NCOR1: variants seen among roughly 807,000 people sequenced by gnomAD.
NCOR1 encodes protein phosphatase 1, regulatory subunit 109.
NCOR1 carries 63 observed loss-of-function variants against 288.1 expected under a neutral mutation model. The observed-to-expected ratio is 0.22, with a 90% CI of 0.18 to 0.27. NCOR1 has a LOEUF of 0.27. Among genes scored for constraint, NCOR1 ranks in the 10% least tolerant of loss-of-function variants. NCOR1 has a pLI of 1.00. For synonymous variants in NCOR1, 1,007 were observed against 1,065.9 expected (o/e 0.94, Z 1.08); for missense variants, 2,397 against 3,019.2 (o/e 0.79, Z 4.83).
intron 42 of NCOR1, among the ~76,000 whole-genome samples, chr17:16,041,832 G>C (rs927433740): frequency 4.6e-5 from 7 of 151,928 alleles, no homozygotes; most frequent in Non-Finnish European, 1.0e-4. Context: ...TGCCTCCCAG[G>C]TTCACGCCAC....
chr17:16,109,063 T>C (rs534631744), intron 18 of NCOR1, 151 bp from the exon 19 acceptor site: 2 of 608,020 alleles, frequency 3.3e-6, no homozygotes, highest in Admixed American at 4.1e-5. Context: ...TGCAGATAAA[T>C]ACCTCTCCAT....
At chr17:16,106,883 ATTTTTTTTTTTTTTT>A (rs144246158) in intron 19 of NCOR1, among the ~76,000 whole-genome samples, 1 of 31,406 alleles carries the variant, frequency 3.2e-5, no homozygotes, top group Non-Finnish European at 5.2e-5. Flanking sequence ...ATATATATAT[ATTTTTTTTTTTTTTT>A]TTTTTTTTTT....
At chr17:16,040,183 T>C (rs968302940) in intron 43 of NCOR1, 2 of 588,408 alleles carry the variant, frequency 3.4e-6, no homozygotes, top group Non-Finnish European at 3.2e-6. Flanking sequence ...ACTCAACAAT[T>C]TTCTCAGTTC....
chr17:16,069,746 CA>C (rs915004566), intron 31 of NCOR1, among the ~76,000 whole-genome samples: 65 of 152,180 alleles, frequency 4.3e-4, no homozygotes, highest in African/African-American at 1.5e-3. Flanking sequence ...AACTAAGCTA[CA>C]AAAAAACTAA....
At chr17:16,202,049 C>T (rs1448987970) in intron 1 of NCOR1, among the ~76,000 whole-genome samples, 1 of 151,940 alleles carries the variant, frequency 6.6e-6, no homozygotes, top group Non-Finnish European at 1.5e-5. Context: ...ACATGTGAAA[C>T]CCCATCTCTA....
chr17:16,060,678 A>C (rs1177389659), intron 37 of NCOR1, among the ~76,000 whole-genome samples: 1 of 151,978 alleles, frequency 6.6e-6, no homozygotes, highest in Non-Finnish European at 1.5e-5. Flanking sequence ...TTTTTTTTTC[A>C]TGATGTCTAA....
rs1465782872 is a variant in NCOR1 at position 16,181,233 on chromosome 17, G to A, written c.242+5321C>T. Among the ~76,000 whole-genome samples, 947 of 151,460 alleles carry A rather than the reference G, an allele frequency of 6.3e-3. 9 individuals are homozygous for A. Among genetic ancestry groups the A allele is most frequent in the African/African-American group, 0.019 (784 of 41,342 alleles). ...TGTATGTGTGTGTGTGTGTGTGTGT[G>A]TGTGTGTGTGTGTGTGTGTGTATAA... On this transcript the variant is annotated intron_variant, in intron 3 of 45. Transcript: ENST00000268712.
chr17:16,149,431 TAAC>T lies in NCOR1; in HGVS notation c.909+17_909+19del, dbSNP rs772440245. ...ATGGGAAAGCTGTATAAATTTCAGTTAACAAGGATAGGACCTCACCCTTTGTTT... is the reference window on the plus strand; with the variant it reads ...ATGGGAAAGCTGTATAAATTTCAGTTAAGGATAGGACCTCACCCTTTGTTT... On this transcript the variant is annotated intron_variant, in intron 9 of 45. Transcript: ENST00000268712. 2 of 1,443,668 alleles carry T rather than the reference TAAC, an allele frequency of 1.4e-6. No individual in the cohort carries two copies. The highest frequency in any genetic ancestry group is 1.9e-6 in the Non-Finnish European group (2 of 1,057,684). 89.4% of individuals were successfully genotyped at this position (1,443,668 alleles called of 1,614,324 possible).
intron 42 of NCOR1, chr17:16,044,808 T>C (rs2058385532): frequency 1.8e-6 from 2 of 1,101,022 alleles, no homozygotes; most frequent in African/African-American, 1.5e-5. Flanking sequence ...ATCTACAATG[T>C]AGGGGCTGGT....
chr17:16,092,650 TATATATA>T lies in NCOR1; in HGVS notation c.2821-599_2821-593del, dbSNP rs2065384783. Among the ~76,000 whole-genome samples, 84 of 13,176 alleles carry T rather than the reference TATATATA, an allele frequency of 6.4e-3. 2 individuals are homozygous for T. Among genetic ancestry groups the T allele is most frequent in the African/African-American group, 0.02 (83 of 4,084 alleles). The allele number at this position is 13,176 out of a possible 152,430, so 8.6% of individuals were successfully genotyped here. ...TTTCACCAGGGATCAGATCCATTTATATATATATATATATATATATATATATATATAT... is the reference window on the plus strand; with the variant it reads ...TTTCACCAGGGATCAGATCCATTTATTATATATATATATATATATATATAT... On this transcript the variant is annotated intron_variant, in intron 21 of 45. Transcript: ENST00000268712.
At chr17:16,180,929 T>G (rs1021344719) in intron 3 of NCOR1, among the ~76,000 whole-genome samples, 3 of 151,888 alleles carry the variant, frequency 2.0e-5, no homozygotes, top group Non-Finnish European at 2.9e-5. Context: ...GAGGCTGAGG[T>G]GGGCGGATTA....
chr17:16,210,881 C>A (rs1465248181), intron 1 of NCOR1, among the ~76,000 whole-genome samples: 1 of 152,120 alleles, frequency 6.6e-6, no homozygotes, highest in Non-Finnish European at 1.5e-5. Flanking sequence ...AGGTGCGTGC[C>A]ATCATGCCCG....
intron 9 of NCOR1, 133 bp from the exon 10 acceptor site, chr17:16,146,681 G>A (rs530472896): frequency 2.4e-5 from 18 of 746,274 alleles, no homozygotes; most frequent in Non-Finnish European, 3.0e-5. Context: ...AACTGTGAAC[G>A]AAAAGCACAA....
intron 41 of NCOR1, among the ~76,000 whole-genome samples, chr17:16,047,326 T>C (rs1023004042): frequency 2.0e-5 from 3 of 152,168 alleles, no homozygotes. Flanking sequence ...AGAATGGAGA[T>C]AATCTAGAGC....
At chr17:16,095,602 C>T (rs1311297378) in intron 21 of NCOR1, among the ~76,000 whole-genome samples, 6 of 35,924 alleles carry the variant, frequency 1.7e-4, no homozygotes, top group Admixed American at 1.7e-3. Context: ...CTCTGCCCGG[C>T]CGCCCCTACT....
chr17:16,073,269 T>C (rs2061980428), intron 28 of NCOR1, among the ~76,000 whole-genome samples, 160 bp downstream of exon 28: 2 of 152,190 alleles, frequency 1.3e-5, no homozygotes, highest in African/African-American at 4.8e-5. Context: ...TTAATATAAA[T>C]ATATATTTCA....
chr17:16,172,817 G>C (rs1322212952), intron 3 of NCOR1, among the ~76,000 whole-genome samples: 1 of 152,128 alleles, frequency 6.6e-6, no homozygotes, highest in Non-Finnish European at 1.5e-5. Flanking sequence ...TTTTCTACCA[G>C]GTGTTTACAG....
chr17:16,032,042 C>A lies in NCOR1; in HGVS notation c.*254G>T. The A allele has an allele frequency of 9.1e-6, 4 of 438,324 alleles. No individual in the cohort carries two copies. The South Asian group carries it at 1.4e-4, about 15-fold the overall frequency. The allele number at this position is 438,324 out of a possible 1,614,324, so 27.2% of individuals were successfully genotyped here. A position where few individuals can be genotyped will look rare whatever the true frequency, so the allele number is the denominator to read the frequency against. ...ACAGCAACTGTTCACTTTTTAAAAACTCTACATCTCAACCCTCCACTATTA... is the reference window on the plus strand; with the variant it reads ...ACAGCAACTGTTCACTTTTTAAAAAATCTACATCTCAACCCTCCACTATTA... On this transcript the variant is annotated 3_prime_UTR_variant, in exon 46 of 46. Transcript: ENST00000268712.
rs547751446 is a variant in NCOR1, at chr17:16,126,396, T to C, written c.1510-190A>G. 2.8e-4 allele frequency among the ~76,000 whole-genome samples: 43 copies of C among 152,312 alleles called. 1 individual carries two copies. Among genetic ancestry groups the C allele is most frequent in the African/African-American group, 8.7e-4 (36 of 41,558 alleles). ...TCTATATGTACTGCTTGAAGGGTCC[T>C]ACACGCAGACACAAATGCTCATAGC... On this transcript the variant is annotated intron_variant, in intron 14 of 45. Coordinates refer to ENST00000268712, the MANE Select transcript of NCOR1 (RefSeq NM_006311.4).
Sources: gnomAD v4.1 joint callset for allele counts (sites outside exome capture counted in the v4.1 genomes callset) on GRCh38, gnomAD v4.1.1 for gene constraint, MANE v1.5 for transcripts, NCBI Gene and HGNC (gene_info 2026-07-23, HGNC 2026-07-21) for gene names.